The following EYA4 variants were observed in gnomAD, a reference collection of about 807,000 sequenced individuals.
EYA4 encodes EYA transcriptional coactivator and phosphatase 4, also known as protein phosphatase EYA4.
Under a neutral mutation model 87.9 loss-of-function variants are expected in EYA4, and 31 were observed. That is an observed-to-expected ratio of 0.35 (90% confidence interval 0.27 to 0.48). EYA4 has a LOEUF of 0.48. EYA4 is among the 20% of genes least tolerant of loss of function. The pLI, the probability that EYA4 is intolerant of heterozygous loss-of-function variation, is 0.99. For missense variants in EYA4, 678 were observed against 761.4 expected, an observed-to-expected ratio of 0.89 and a Z score of 1.29; for synonymous variants, 263 against 270.6, an observed-to-expected ratio of 0.97 and a Z score of 0.28.
chr6:133,425,103 C>A (rs1790554904), intron 3 of EYA4, among the ~76,000 whole-genome samples: 1 of 150,872 alleles, frequency 6.6e-6, no homozygotes, highest in Non-Finnish European at 1.5e-5. Flanking sequence ...TCTATCCGCT[C>A]ACCTATTAAT....
In EYA4 at chr6:133,454,300, G is replaced by A. The variant is rs543285798; in HGVS notation, c.278-2256G>A. 2.6e-5 allele frequency among the ~76,000 whole-genome samples: 4 copies of A among 152,326 alleles called. No homozygotes were observed. In the East Asian group the frequency reaches 7.7e-4, roughly 29 times the overall value. On this transcript the variant is annotated intron_variant, in intron 5 of 19. Transcript: ENST00000355286. ...AGTTTTGCTGAAGGCTTTGGGCCAT[G>A]ACTTTTTGTCATAAATGTTAGAACT...
chr6:133,445,382 T>C (rs1792716089), intron 3 of EYA4, among the ~76,000 whole-genome samples: 1 of 152,146 alleles, frequency 6.6e-6, no homozygotes, highest in Non-Finnish European at 1.5e-5. Flanking sequence ...CTTAATTCTT[T>C]CCTGTAGGTC....
intron 12 of EYA4, 50 bp downstream of exon 12, chr6:133,481,649 A>T (rs771672592): frequency 2.9e-5 from 46 of 1,578,292 alleles, no homozygotes; most frequent in Non-Finnish European, 3.8e-5. Flanking sequence ...TATTTTACCG[A>T]ATGATACATT....
chr6:133,366,354 T>G (rs1004339044), intron 2 of EYA4, among the ~76,000 whole-genome samples: 1 of 152,150 alleles, frequency 6.6e-6, no homozygotes, highest in Admixed American at 6.5e-5. Flanking sequence ...GAGGTATAAG[T>G]TAGGCAGGAG....
rs557839247 is a variant in EYA4 at position 133,265,670 on chromosome 6, GA to G, written c.-65-9039del. On this transcript the variant is annotated intron_variant, in intron 1 of 19. Transcript: ENST00000355286. ...TTAGTACCTTAGTGTGATTGGCCAAGAAAAAAATTCACGTTACCATAAAAAG... is the reference window on the plus strand; with the variant it reads ...TTAGTACCTTAGTGTGATTGGCCAAGAAAAAATTCACGTTACCATAAAAAG... Among the ~76,000 whole-genome samples, 3 of 152,018 alleles carry G rather than the reference GA, an allele frequency of 2.0e-5. No homozygotes were observed. In the South Asian group the frequency reaches 6.2e-4, roughly 32 times the overall value.
At chr6:133,388,421 A>AC (rs397957909) in intron 3 of EYA4, among the ~76,000 whole-genome samples, 1 of 151,172 alleles carries the variant, frequency 6.6e-6, no homozygotes, top group Non-Finnish European at 1.5e-5. Context: ...AAAAAAAAAA[A>AC]GTCTCAAAAC....
chr6:133,530,229 T>G lies in EYA4; in HGVS notation c.*1424T>G, dbSNP rs1800929275. On this transcript the variant is annotated 3_prime_UTR_variant, in exon 20 of 20. Coordinates refer to ENST00000355286, the MANE Select transcript of EYA4 (RefSeq NM_004100.5). The stretch of plus-strand genomic sequence containing the variant: ...CTCCATCTGAATACATCAATGCAGG[T>G]TCTCCTCGTAACAGACTTGCATATG... 6 of 985,426 alleles carry G rather than the reference T, an allele frequency of 6.1e-6. No individual in the cohort carries two copies. The highest frequency in any genetic ancestry group is 6.0e-6 in the Non-Finnish European group (5 of 829,916). 61.0% of individuals were successfully genotyped at this position (985,426 alleles called of 1,614,324 possible). A position where few individuals can be genotyped will look rare whatever the true frequency, so the allele number is the denominator to read the frequency against.
Position 133,531,172 on chromosome 6 carries a change from T to C in EYA4, c.*2367T>C. 6.5e-7 allele frequency: 1 copy of C among 1,534,926 alleles called. No individual in the cohort carries two copies. The highest frequency in any genetic ancestry group is 8.7e-7 in the Non-Finnish European group (1 of 1,146,658). ...GGCTGGTTGCATCACCCCGTGCAGT[T>C]TCTCACACACATCTCTTTTTCTGAT... On this transcript the variant is annotated 3_prime_UTR_variant, in exon 20 of 20. Coordinates refer to ENST00000355286, the MANE Select transcript of EYA4 (RefSeq NM_004100.5).
At chr6:133,483,698 GTTATTATTA>G (rs71545064) in intron 13 of EYA4, among the ~76,000 whole-genome samples, 4,388 of 134,344 alleles carry the variant, frequency 0.033, 221 homozygotes, top group African/African-American at 0.1. Flanking sequence ...TTATTTCATT[GTTATTATTA>G]TTATTATTAT....
chr6:133,444,589 G>T (rs1792618445), intron 3 of EYA4, among the ~76,000 whole-genome samples: 1 of 152,138 alleles, frequency 6.6e-6, no homozygotes, highest in African/African-American at 2.4e-5. Context: ...CTTATGAGAG[G>T]CCCTAGACTA....
intron 2 of EYA4, among the ~76,000 whole-genome samples, chr6:133,351,778 A>T (rs761895213): frequency 2.6e-5 from 4 of 152,212 alleles, no homozygotes; most frequent in Non-Finnish European, 5.9e-5. Flanking sequence ...TTCTTTTCCC[A>T]TAACATTTTA....
intron 2 of EYA4, among the ~76,000 whole-genome samples, chr6:133,339,865 C>T (rs75761652): frequency 1.2e-4 from 18 of 152,084 alleles, no homozygotes; most frequent in Non-Finnish European, 2.2e-4. Flanking sequence ...TTTGAGGCAG[C>T]GAAGGACTGT....
Position 133,522,989 on chromosome 6 carries a change from A to C in EYA4, c.1617-67A>C, listed in dbSNP as rs182803180. ...TAAGGAATTTAGAGACCACAGTGAC[A>C]ATTTTAAATCTATTAGAAGTTATTT... On this transcript the variant is annotated intron_variant, in intron 17 of 19. Coordinates refer to ENST00000355286, the MANE Select transcript of EYA4 (RefSeq NM_004100.5). The C allele has an allele frequency of 7.4e-5, 104 of 1,402,486 alleles. 1 individual carries two copies. In the East Asian group the frequency reaches 1.7e-3, roughly 22 times the overall value. The allele number at this position is 1,402,486 out of a possible 1,614,324, so 86.9% of individuals were successfully genotyped here. A position where few individuals can be genotyped will look rare whatever the true frequency, so the allele number is the denominator to read the frequency against.
intron 1 of EYA4, among the ~76,000 whole-genome samples, chr6:133,262,464 C>T (rs534507380): frequency 6.6e-6 from 1 of 152,282 alleles, no homozygotes; most frequent in Non-Finnish European, 1.5e-5. Context: ...GATGAGGTTG[C>T]TTGGGCTAAG....
intron 2 of EYA4, among the ~76,000 whole-genome samples, chr6:133,371,199 G>A (rs184200168): frequency 1.5e-4 from 23 of 152,144 alleles, no homozygotes; most frequent in African/African-American, 4.8e-4. Flanking sequence ...CAATTCAGGC[G>A]GAGAAAATAG....
intron 1 of EYA4, among the ~76,000 whole-genome samples, chr6:133,250,535 G>A (rs1014640018): frequency 6.6e-5 from 10 of 152,024 alleles, no homozygotes; most frequent in South Asian, 2.1e-4. Flanking sequence ...CCAGCTACTC[G>A]GGAGGCTGAG....
intron 2 of EYA4, among the ~76,000 whole-genome samples, chr6:133,323,698 A>G (rs1034177074): frequency 6.6e-6 from 1 of 152,202 alleles, no homozygotes; most frequent in East Asian, 1.9e-4. Context: ...GAGAAGGAAT[A>G]GGAATGTATC....
chr6:133,294,023 T>TATATATATATATATA (rs1778716379), intron 2 of EYA4, among the ~76,000 whole-genome samples: 1 of 78,780 alleles, frequency 1.3e-5, no homozygotes, highest in Non-Finnish European at 2.5e-5. Context: ...TAGGGTGATT[T>TATATATATATATATA]TATATATATA....
intron 10 of EYA4, among the ~76,000 whole-genome samples, chr6:133,465,887 C>T (rs746618289): frequency 1.3e-5 from 2 of 152,028 alleles, no homozygotes; most frequent in South Asian, 2.1e-4. Flanking sequence ...TAGGATTAAA[C>T]GGTGTAATTT....
Sources: gnomAD v4.1 joint callset for allele counts (sites outside exome capture counted in the v4.1 genomes callset) on GRCh38, gnomAD v4.1.1 for gene constraint, MANE v1.5 for transcripts, NCBI Gene and HGNC (gene_info 2026-07-23, HGNC 2026-07-21) for gene names.